FGR: variants seen among roughly 807,000 people sequenced by gnomAD.
FGR encodes tyrosine-protein kinase Fgr.
FGR carries 26 observed loss-of-function variants against 63.2 expected under a neutral mutation model. The observed-to-expected ratio is 0.41, with a 90% CI of 0.30 to 0.57. The LOEUF (loss-of-function observed/expected upper bound fraction) is 0.57. Among genes scored for constraint, FGR ranks in the 20% least tolerant of loss-of-function variants. The probability of loss-of-function intolerance (pLI) is 0.27; values close to 1 mark genes in which losing one functional copy is unlikely to be tolerated. For synonymous variants in FGR, 286 were observed against 277.7 expected, an observed-to-expected ratio of 1.03 and a Z score of -0.30; for missense variants, 511 against 690.8, an observed-to-expected ratio of 0.74 and a Z score of 2.92.
At chr1:27,618,731 C>A (rs2089862668) in intron 5 of FGR, among the ~76,000 whole-genome samples, 3 of 152,240 alleles carry the variant, frequency 2.0e-5, no homozygotes, top group Admixed American at 2.0e-4. Context: ...CACCTGCATG[C>A]AGCCTCTCTA....
chr1:27,621,800 G>A (rs757949225), intron 4 of FGR, 143 bp from the exon 5 acceptor site: 30 of 653,088 alleles, frequency 4.6e-5, no homozygotes, highest in African/African-American at 7.1e-5. Context: ...GCTTTTGTCC[G>A]CTCTGCCCCA....
intron 1 of FGR, among the ~76,000 whole-genome samples, chr1:27,626,903 A>G (rs1042269514): frequency 6.6e-6 from 1 of 152,106 alleles, no homozygotes; most frequent in Non-Finnish European, 1.5e-5. Context: ...ACAGTGGTTC[A>G]CACCTGCTAT....
chr1:27,628,061 C>A (rs1571404395), intron 1 of FGR, among the ~76,000 whole-genome samples: 1 of 151,890 alleles, frequency 6.6e-6, no homozygotes, highest in East Asian at 1.9e-4. Flanking sequence ...TCGAGACCAA[C>A]CTGGGCAATA....
chr1:27,625,175 G>C (rs1178743484), intron 1 of FGR, 24 bp from the exon 2 acceptor site: 1 of 152,726 alleles, frequency 6.5e-6, no homozygotes, highest in African/African-American at 2.4e-5. Flanking sequence ...AGAAGGACAA[G>C]GAAGATGAAG....
At chr1:27,613,457 C>T (rs886220295) in intron 11 of FGR, 107 bp from the exon 12 acceptor site, 4 of 1,275,444 alleles carry the variant, frequency 3.1e-6, no homozygotes, top group Non-Finnish European at 4.4e-6. Context: ...AATCCCAGCA[C>T]TTTGGGAGGC....
Position 27,612,989 on chromosome 1 carries a change from G to C in FGR, c.1515C>G (p.Phe505Leu). ...WRLDPEERPT[F>L]EYLQSFLEDY... ...CCTCCAGGAAGGACTGCAGGTACTC[G>C]AAGGTAGGCCTCTCCTCCGGGTCCA... Residue 505 changes from phenylalanine to leucine, a missense_variant, in exon 13 of 13, where the codon TTC (phenylalanine) becomes TTG (leucine). Physicochemically the swap from Phe to Leu is conservative, Grantham distance 22. Transcript: ENST00000374005. 6.2e-7 allele frequency: 1 copy of C among 1,614,216 alleles called. No individual in the cohort carries two copies. The highest frequency in any genetic ancestry group is 1.1e-5 in the South Asian group (1 of 91,082).
Position 27,616,812 on chromosome 1 carries a change from A to G in FGR, c.682+45T>C, listed in dbSNP as rs758444900. 5.0e-6 allele frequency: 8 copies of G among 1,604,138 alleles called. No homozygotes were observed. The Admixed American group carries it at 1.0e-4, about 20-fold the overall frequency. ...GGGCCTCAGTTCCCCCATCTGGACA[A>G]TGCTTCAGTTGGTTGGTTCAGGGAT... On this transcript the variant is annotated intron_variant, in intron 7 of 12. Transcript: ENST00000374005. This position sits in a 1 kb window ranked among gnomAD's most constrained non-coding sequence, Gnocchi z 4.3.
chr1:27,621,957 C>T (rs1048932758), intron 4 of FGR, among the ~76,000 whole-genome samples: 1 of 152,092 alleles, frequency 6.6e-6, no homozygotes, highest in African/African-American at 2.4e-5. Flanking sequence ...GTCACTTCCC[C>T]ACAGAAAATG....
At chr1:27,624,038 CTT>C (rs1307705016) in intron 2 of FGR, 109 bp from the exon 3 acceptor site, 73 of 938,164 alleles carry the variant, frequency 7.8e-5, no homozygotes, top group Non-Finnish European at 3.3e-5. Flanking sequence ...GGCTTTCCCT[CTT>C]GGGCCTAGAT....
At chr1:27,623,960 C>A in intron 2 of FGR, 31 bp from the exon 3 acceptor site, 1 of 1,528,114 alleles carries the variant, frequency 6.5e-7, no homozygotes, top group Non-Finnish European at 8.9e-7. Flanking sequence ...CACTCAAGGA[C>A]CCCTGCCAGG....
rs2089730022 is a variant in FGR, at chr1:27,613,247, G to T, written c.1353C>A (p.Leu451=). 1 of 1,614,012 alleles carries T rather than the reference G, an allele frequency of 6.2e-7. No individual in the cohort carries two copies. The highest frequency in any genetic ancestry group is 1.3e-5 in the African/African-American group (1 of 74,924). Reference sequence around the variant, plus strand: ...GGTAGGGGATTCGGCCCTTGGTGATGAGCTCAGTGAGCAGGATCCCAAAGG... The same window carrying T: ...GGTAGGGGATTCGGCCCTTGGTGATTAGCTCAGTGAGCAGGATCCCAAAGG... ...VWSFGILLTE[L]ITKGRIPYPG... The change falls in exon 12 of 13, where the codon CTC becomes CTA. Residue 451 remains leucine, a synonymous_variant. Transcript: ENST00000374005.
At chr1:27,622,288 C>CA (rs1210861502) in intron 4 of FGR, among the ~76,000 whole-genome samples, 2,307 of 41,640 alleles carry the variant, frequency 0.055, 75 homozygotes, top group African/African-American at 0.085. Context: ...GACTCCAACT[C>CA]AAAAAAAAAA....
At chr1:27,625,501 T>A (rs895157652) in intron 1 of FGR, among the ~76,000 whole-genome samples, 2 of 152,132 alleles carry the variant, frequency 1.3e-5, no homozygotes, top group African/African-American at 4.8e-5. Context: ...CACATACACA[T>A]GCACATATAC....
At chr1:27,623,345 C>T in intron 3 of FGR, 1 of 600,722 alleles carries the variant, frequency 1.7e-6, no homozygotes, top group Non-Finnish European at 3.0e-6. Context: ...CCATTCCTCC[C>T]ACCATGGAGG....
At chr1:27,632,140 C>CTTT (rs71739634) in intron 1 of FGR, among the ~76,000 whole-genome samples, 1 of 140,064 alleles carries the variant, frequency 7.1e-6, no homozygotes, top group South Asian at 2.2e-4. Context: ...TCTTCTTCTT[C>CTTT]TTTTTTTTTT....
At chr1:27,634,396 G>C (rs2090149616) in intron 1 of FGR, among the ~76,000 whole-genome samples, 1 of 152,172 alleles carries the variant, frequency 6.6e-6, no homozygotes, top group Admixed American at 6.5e-5. Flanking sequence ...CCCGGCAGGA[G>C]TCCCCTGCAG....
rs1180919285 is a variant in FGR, at chr1:27,615,073, C to G, written c.1019-147G>C. On this transcript the variant is annotated intron_variant, in intron 9 of 12. Coordinates refer to ENST00000374005, the MANE Select transcript of FGR (RefSeq NM_005248.3). The surrounding 1 kb of genome is among the most constrained non-coding windows in gnomAD (Gnocchi z 7.6). ...GGGTGCCTCAACCCCTCACTTGTCT[C>G]GTCCTGGCCCTGCTGCCAGACACGG... 2.5e-5 allele frequency: 17 copies of G among 670,476 alleles called. No homozygotes were observed. In the East Asian group the frequency reaches 4.6e-4, roughly 18 times the overall value. 41.5% of individuals were successfully genotyped at this position (670,476 alleles called of 1,614,324 possible).
intron 11 of FGR, among the ~76,000 whole-genome samples, chr1:27,613,652 G>A (rs1268479473): frequency 7.2e-6 from 1 of 138,168 alleles, no homozygotes; most frequent in Non-Finnish European, 1.5e-5. Flanking sequence ...ACCTGAGATC[G>A]CACCACTGCA....
rs1412310263 is a variant in FGR, at chr1:27,622,429, C to T, written c.329+613G>A. The stretch of plus-strand genomic sequence containing the variant: ...TGGTTTCCAGAAGTCATCATTTATT[C>T]TCATTCTCTCTCACTCTCTTCCTCT... On this transcript the variant is annotated intron_variant, in intron 4 of 12. Transcript: ENST00000374005. Among the ~76,000 whole-genome samples, 4 of 151,910 alleles carry T rather than the reference C, an allele frequency of 2.6e-5. 1 individual carries two copies. Among genetic ancestry groups the T allele is most frequent in the Admixed American group, 2.6e-4 (4 of 15,228 alleles).
Sources: allele counts gnomAD v4.1 joint callset (sites outside exome capture counted in the v4.1 genomes callset), GRCh38; gene constraint gnomAD v4.1.1; non-coding constraint Gnocchi (gnomAD v3.1); transcripts MANE v1.5; gene names NCBI Gene and HGNC (gene_info 2026-07-23, HGNC 2026-07-21).